The following SYN3 variants were observed in gnomAD, a reference collection of about 807,000 sequenced individuals.
SYN3 encodes synapsin III, also known as synapsin-3.
Under a neutral mutation model 65.8 loss-of-function variants are expected in SYN3, and 35 were observed. The observed-to-expected ratio is 0.53, with a 90% CI of 0.41 to 0.70. The LOEUF is 0.70. SYN3 is among the 30% of genes least tolerant of loss of function. The pLI is 0.00. For synonymous variants in SYN3, 270 were observed against 292.9 expected (o/e 0.92, Z 0.80); for missense variants, 680 against 749.0 (o/e 0.91, Z 1.08).
At chr22:32,970,705 A>G (rs142430635) in intron 3 of SYN3, among the ~76,000 whole-genome samples, 1 of 152,248 alleles carries the variant, frequency 6.6e-6, no homozygotes, top group East Asian at 1.9e-4. Context: ...AATAATAACC[A>G]TTGGGGTTAG....
intron 2 of SYN3, among the ~76,000 whole-genome samples, chr22:32,988,123 A>C (rs1276715495): frequency 1.3e-5 from 2 of 151,864 alleles, no homozygotes; most frequent in Admixed American, 1.3e-4. Context: ...CCTGGCCAAC[A>C]TGGTGAAACG....
intron 3 of SYN3, among the ~76,000 whole-genome samples, chr22:32,952,535 G>C (rs929324337): frequency 6.6e-6 from 1 of 152,030 alleles, no homozygotes; most frequent in African/African-American, 2.4e-5. Flanking sequence ...CAGGAGGATT[G>C]CTTGAGCCCA....
chr22:32,848,989 G>A (rs2048145407), intron 6 of SYN3, among the ~76,000 whole-genome samples: 2 of 152,186 alleles, frequency 1.3e-5, no homozygotes, highest in Admixed American at 6.5e-5. Flanking sequence ...ATGTCAAGAT[G>A]TGGTGAATTA....
At chr22:32,647,244 T>A (rs934396772) in intron 6 of SYN3, among the ~76,000 whole-genome samples, 2 of 152,088 alleles carry the variant, frequency 1.3e-5, no homozygotes, top group African/African-American at 4.8e-5. Context: ...CCCAGGGATC[T>A]CCAGAAGGCC....
In SYN3 at chr22:32,801,316, T is replaced by A. The variant is rs2046567697; in HGVS notation, c.711+63599A>T. Among the ~76,000 whole-genome samples, 1 of 152,174 alleles carries A rather than the reference T, an allele frequency of 6.6e-6. No individual in the cohort carries two copies. On this transcript the variant is annotated intron_variant, in intron 6 of 13. Coordinates refer to ENST00000358763, the MANE Select transcript of SYN3 (RefSeq NM_003490.4). This position sits in a 1 kb window ranked among gnomAD's most constrained non-coding sequence, Gnocchi z 4.7. ...CTCTAGGACATGGCCACCCCTCACC[T>A]GTGGAAGCGGTCCTGCTGGGGTGGG...
At chr22:32,948,342 G>A (rs1328925810) in intron 3 of SYN3, among the ~76,000 whole-genome samples, 2 of 152,166 alleles carry the variant, frequency 1.3e-5, no homozygotes, top group Non-Finnish European at 2.9e-5. Flanking sequence ...GGTTGCAGAG[G>A]AGGGGAGTAA....
chr22:32,858,318 G>C (rs1168289244), intron 6 of SYN3, among the ~76,000 whole-genome samples: 1 of 152,230 alleles, frequency 6.6e-6, no homozygotes, highest in East Asian at 1.9e-4. Flanking sequence ...GTGGGGCAGT[G>C]AGGAAGGCAG....
chr22:32,584,849 T>C (rs1455269473), intron 7 of SYN3, among the ~76,000 whole-genome samples: 1 of 152,230 alleles, frequency 6.6e-6, no homozygotes, highest in African/African-American at 2.4e-5. Flanking sequence ...GCAGTTCATA[T>C]GCAAAAGGTC....
intron 6 of SYN3, among the ~76,000 whole-genome samples, chr22:32,622,725 CAA>C (rs777908921): frequency 5.5e-4 from 43 of 78,160 alleles, no homozygotes; most frequent in Admixed American, 1.4e-3. Flanking sequence ...AAATCGGATG[CAA>C]AAAAAAAAAA....
chr22:32,541,668 C>T lies in SYN3; in HGVS notation c.820G>A (p.Val274Ile). 6.2e-7 allele frequency: 1 copy of T among 1,614,062 alleles called. No homozygotes were observed. The highest frequency in any genetic ancestry group is 8.5e-7 in the Non-Finnish European group (1 of 1,180,010). ...GTGGCGTAGGTTTTGGCCATGGCGA[C>T]CACGCTGGTGATGTCCTGGAAGTCA... is the stretch of plus-strand genomic sequence containing the variant. ...QLDFQDITSV[V>I]AMAKTYATTE... Residue 274 changes from valine (V) to isoleucine (I), a missense_variant, in exon 8 of 14, where the codon GTC becomes ATC. Transcript: ENST00000358763.
At chr22:32,746,788 GGTGGTCA>G (rs2044946290) in intron 6 of SYN3, among the ~76,000 whole-genome samples, 1 of 152,210 alleles carries the variant, frequency 6.6e-6, no homozygotes, top group South Asian at 2.1e-4. Flanking sequence ...GGCATTTGCA[GGTGGTCA>G]GTGGATGCTT....
chr22:32,914,469 G>C (rs374033495), intron 4 of SYN3, among the ~76,000 whole-genome samples: 3 of 144,428 alleles, frequency 2.1e-5, no homozygotes, highest in Non-Finnish European at 4.5e-5. Context: ...ACGGAGTCTC[G>C]CTCTGTTGCC....
At chr22:32,952,195 T>G (rs2051309729) in intron 3 of SYN3, among the ~76,000 whole-genome samples, 3 of 151,912 alleles carry the variant, frequency 2.0e-5, no homozygotes, top group Admixed American at 2.0e-4. Flanking sequence ...GGCATCTCAG[T>G]GAAGGCCTGG....
chr22:32,554,426 A>G (rs1193805940), intron 7 of SYN3, among the ~76,000 whole-genome samples: 1 of 152,132 alleles, frequency 6.6e-6, no homozygotes, highest in Non-Finnish European at 1.5e-5. Flanking sequence ...TTGTCTGTTA[A>G]TATATTTACT....
At chr22:32,629,119 C>T (rs2059711343) in intron 6 of SYN3, among the ~76,000 whole-genome samples, 1 of 152,188 alleles carries the variant, frequency 6.6e-6, no homozygotes, top group Non-Finnish European at 1.5e-5. Context: ...GTGTGCTCCC[C>T]AAATATTTGG....
chr22:33,046,842 A>C (rs1293799951), intron 1 of SYN3, among the ~76,000 whole-genome samples: 1 of 17,704 alleles, frequency 5.6e-5, no homozygotes, highest in East Asian at 1.0e-3. Flanking sequence ...GTCTCTGTTT[A>C]AAAAAAAAAA....
intron 4 of SYN3, among the ~76,000 whole-genome samples, chr22:32,921,934 C>T (rs2050344694): frequency 6.6e-6 from 1 of 152,288 alleles, no homozygotes; most frequent in South Asian, 2.1e-4. Context: ...CAGCCTGCAG[C>T]CTGCTCCAGA....
At chr22:32,735,019 T>G (rs2061320261) in intron 6 of SYN3, among the ~76,000 whole-genome samples, 1 of 152,166 alleles carries the variant, frequency 6.6e-6, no homozygotes, top group Non-Finnish European at 1.5e-5. Flanking sequence ...GGCTTCCCAA[T>G]GAGGGGCAAT....
At chr22:32,533,315 C>A (rs1033318764) in intron 10 of SYN3, among the ~76,000 whole-genome samples, 1 of 152,106 alleles carries the variant, frequency 6.6e-6, no homozygotes, top group Non-Finnish European at 1.5e-5. Flanking sequence ...AGCCTGCACA[C>A]CCCATGTCTA....
Sources: allele counts gnomAD v4.1 joint callset (sites outside exome capture counted in the v4.1 genomes callset), GRCh38; gene constraint gnomAD v4.1.1; non-coding constraint Gnocchi (gnomAD v3.1); transcripts MANE v1.5; gene names NCBI Gene and HGNC (gene_info 2026-07-23, HGNC 2026-07-21).